SEC23B: variants seen among roughly 807,000 people sequenced by gnomAD.
SEC23B encodes protein transport protein Sec23B.
In SEC23B, 77 loss-of-function variants were observed where a neutral mutation model predicts 104.3. The observed-to-expected ratio is 0.74, with a 90% CI of 0.61 to 0.89. The LOEUF (loss-of-function observed/expected upper bound fraction) is 0.89, where lower values mean the gene tolerates loss of function less well. Ranked by LOEUF, SEC23B falls within the 40% of genes least tolerant of loss-of-function variation. SEC23B has a pLI of 0.00. For synonymous variants in SEC23B, 338 were observed against 332.5 expected, an observed-to-expected ratio of 1.02 and a Z score of -0.18; for missense variants, 885 against 949.4, an observed-to-expected ratio of 0.93 and a Z score of 0.89.
chr20:18,521,190 A>G (rs1164406418), intron 4 of SEC23B, among the ~76,000 whole-genome samples: 2 of 152,090 alleles, frequency 1.3e-5, no homozygotes, highest in African/African-American at 2.4e-5. Context: ...TCAGAAATAC[A>G]TTGTTACTTG....
chr20:18,524,383 G>A (rs779450493), intron 4 of SEC23B, 50 bp from the exon 5 acceptor site: 1 of 1,387,626 alleles, frequency 7.2e-7, no homozygotes, highest in Non-Finnish European at 1.0e-6. Context: ...AAAAGTGCTG[G>A]TTAAGTCTAT....
intron 19 of SEC23B, among the ~76,000 whole-genome samples, 177 bp downstream of exon 19, chr20:18,555,350 G>A (rs1031933437): frequency 2.6e-5 from 4 of 152,034 alleles, no homozygotes; most frequent in Non-Finnish European, 5.9e-5. Flanking sequence ...TGGGCCGGAG[G>A]TTGAGGGGGC....
At chr20:18,551,895 T>C (rs1478582960) in intron 17 of SEC23B, among the ~76,000 whole-genome samples, 1 of 152,144 alleles carries the variant, frequency 6.6e-6, no homozygotes, top group Non-Finnish European at 1.5e-5. Context: ...TCAGAGTTAG[T>C]GTTTAGAGCT....
At chr20:18,557,547 G>A (rs1451393304) in intron 19 of SEC23B, among the ~76,000 whole-genome samples, 3 of 151,832 alleles carry the variant, frequency 2.0e-5, no homozygotes, top group African/African-American at 4.8e-5. Flanking sequence ...CTCCTCCATC[G>A]GTAATATAAT....
Position 18,548,611 on chromosome 20 carries a change from T to G in SEC23B, c.1746T>G (p.Phe582Leu). 1 of 1,613,956 alleles carries G rather than the reference T, an allele frequency of 6.2e-7. No individual in the cohort carries two copies. Among genetic ancestry groups the G allele is most frequent in the Non-Finnish European group, 8.5e-7 (1 of 1,179,786 alleles). ...LSDSFSLYPQFMFHLRRSPFL... is the reference protein window; with the variant it reads ...LSDSFSLYPQLMFHLRRSPFL... ...CTTTCCGTTCTTTGTGAATGCAGTT[T>G]ATGTTCCATCTGAGAAGATCTCCAT... The change falls in exon 16 of 20, where the codon TTT becomes TTG. Residue 582 changes from phenylalanine to leucine, a missense_variant and splice_region_variant. Physicochemically the swap from Phe to Leu is conservative, Grantham distance 22. Coordinates refer to ENST00000650089, the MANE Select transcript of SEC23B (RefSeq NM_006363.6).
chr20:18,544,326 C>T (rs1433738281), intron 14 of SEC23B, among the ~76,000 whole-genome samples: 1 of 152,170 alleles, frequency 6.6e-6, no homozygotes, highest in African/African-American at 2.4e-5. Flanking sequence ...ACATTTCAAA[C>T]ATAATTTGAA....
chr20:18,554,429 T>C (rs201126858), intron 18 of SEC23B, 39 bp downstream of exon 18: 43 of 1,610,384 alleles, frequency 2.7e-5, no homozygotes, highest in Middle Eastern at 3.3e-4. Context: ...GTTTGTTCGT[T>C]TTATGATAGA....
At chr20:18,536,760 A>G (rs1446196302) in intron 12 of SEC23B, among the ~76,000 whole-genome samples, 1 of 152,142 alleles carries the variant, frequency 6.6e-6, no homozygotes, top group East Asian at 1.9e-4. Context: ...TCCACTGTTG[A>G]CTGGGAACCT....
At chr20:18,545,856 A>C (rs547831600) in intron 14 of SEC23B, 100 bp from the exon 15 acceptor site, 14 of 783,816 alleles carry the variant, frequency 1.8e-5, no homozygotes, top group Non-Finnish European at 3.0e-5. Context: ...TTCAGACTGG[A>C]TGTAGCTTAG....
intron 19 of SEC23B, among the ~76,000 whole-genome samples, chr20:18,559,351 G>A (rs1247528283): frequency 5.3e-5 from 8 of 152,170 alleles, no homozygotes. Context: ...TTGCCAGGTT[G>A]CGGTGGAAGT....
intron 12 of SEC23B, among the ~76,000 whole-genome samples, chr20:18,538,868 G>A (rs972676344): frequency 6.6e-6 from 1 of 151,994 alleles, no homozygotes; most frequent in Non-Finnish European, 1.5e-5. Context: ...TGAAATTGTA[G>A]CAATTCAGTC....
intron 8 of SEC23B, 97 bp from the exon 9 acceptor site, chr20:18,527,399 T>A: frequency 1.2e-6 from 1 of 804,954 alleles, no homozygotes; most frequent in South Asian, 1.3e-5. Flanking sequence ...AGAAAATGAT[T>A]TACATGTTTT....
At position 18,526,485 on chromosome 20, in the gene SEC23B, A is replaced by T; in HGVS notation, c.947A>T (p.His316Leu). Residue 316 changes from histidine (H) to leucine (L), a missense_variant, in exon 8 of 20, where the codon CAT becomes CTT. By Grantham distance (99) the His-to-Leu change is moderately conservative. Transcript: ENST00000650089. ...TTAAAGATTCCTATTCGTTCTTGGC[A>T]TGATATTGAGAAAGATAATGCACGA... Reference protein sequence around the residue: ...DELKIPIRSWHDIEKDNARFM... With the variant: ...DELKIPIRSWLDIEKDNARFM... 6.2e-7 allele frequency: 1 copy of T among 1,614,180 alleles called. No individual in the cohort carries two copies. Among genetic ancestry groups the T allele is most frequent in the Non-Finnish European group, 8.5e-7 (1 of 1,180,024 alleles).
At chr20:18,550,217 C>T (rs768314592) in intron 16 of SEC23B, among the ~76,000 whole-genome samples, 4 of 149,866 alleles carry the variant, frequency 2.7e-5, no homozygotes, top group African/African-American at 4.9e-5. Flanking sequence ...TACAGTTGTG[C>T]GATCTTGGCT....
intron 15 of SEC23B, among the ~76,000 whole-genome samples, chr20:18,546,540 C>T (rs1185967819): frequency 6.6e-6 from 1 of 152,192 alleles, no homozygotes; most frequent in Non-Finnish European, 1.5e-5. Context: ...GAGAGAGGAG[C>T]AGGAGAAGTA....
At chr20:18,514,703 A>C (rs1195821096) in intron 3 of SEC23B, among the ~76,000 whole-genome samples, 3 of 152,252 alleles carry the variant, frequency 2.0e-5, no homozygotes, top group African/African-American at 4.8e-5. Flanking sequence ...CATTATGTTG[A>C]CTGGAAAAAA....
chr20:18,548,534 A>AG (rs2060355517), intron 15 of SEC23B, 75 bp from the exon 16 acceptor site: 5 of 1,442,578 alleles, frequency 3.5e-6, no homozygotes, highest in African/African-American at 1.4e-5. Flanking sequence ...CAGAGCCCTG[A>AG]GGTAGATCTA....
At chr20:18,545,595 C>T (rs1163292444) in intron 14 of SEC23B, among the ~76,000 whole-genome samples, 1 of 152,178 alleles carries the variant, frequency 6.6e-6, no homozygotes, top group Non-Finnish European at 1.5e-5. Context: ...TGTGAGAGAA[C>T]ATCAAAGCGT....
chr20:18,543,275 T>G (rs953167128), intron 14 of SEC23B, 103 bp downstream of exon 14: 1 of 1,441,388 alleles, frequency 6.9e-7, no homozygotes, highest in African/African-American at 1.4e-5. Flanking sequence ...CAGCAAGAAT[T>G]TATCAGTTGC....
Sources: gnomAD v4.1 joint callset for allele counts (sites outside exome capture counted in the v4.1 genomes callset) on GRCh38, gnomAD v4.1.1 for gene constraint, MANE v1.5 for transcripts, NCBI Gene and HGNC (gene_info 2026-07-23, HGNC 2026-07-21) for gene names.